The following HDAC9 variants were observed in gnomAD, a reference collection of about 807,000 sequenced individuals.
HDAC9 encodes histone deacetylase 9.
A neutral mutation model predicts 139.4 loss-of-function variants in HDAC9; 41 were observed. The ratio of observed to expected loss-of-function variants is 0.29; its 90% confidence interval spans 0.23 to 0.38. The LOEUF is 0.38. HDAC9 is among the 10% of genes least tolerant of loss of function. The pLI, the probability that HDAC9 is intolerant of heterozygous loss-of-function variation, is 1.00. For synonymous variants in HDAC9, 517 were observed against 476.2 expected (o/e 1.09, Z -1.12); for missense variants, 1,147 against 1,297.0 (o/e 0.88, Z 1.78).
At chr7:18,443,333 T>C (rs886065964) in intron 1 of HDAC9, among the ~76,000 whole-genome samples, 1 of 152,166 alleles carries the variant, frequency 6.6e-6, no homozygotes, top group South Asian at 2.1e-4. Flanking sequence ...TGTATTTGCT[T>C]TGCTAGAAAA....
At chr7:18,658,795 A>G (rs2129055446) in intron 11 of HDAC9, among the ~76,000 whole-genome samples, 1 of 152,056 alleles carries the variant, frequency 6.6e-6, no homozygotes, top group East Asian at 1.9e-4. Flanking sequence ...GTGAATTCAA[A>G]CAGAATTTTA....
At chr7:18,795,738 G>T (rs1200786671) in intron 17 of HDAC9, among the ~76,000 whole-genome samples, 2 of 152,170 alleles carry the variant, frequency 1.3e-5, no homozygotes, top group African/African-American at 2.4e-5. Flanking sequence ...CAAATGATTT[G>T]GAGCCATAGT....
chr7:18,279,871 TTTA>T (rs1466608982), intron 2 of HDAC9, among the ~76,000 whole-genome samples: 1 of 152,190 alleles, frequency 6.6e-6, no homozygotes, highest in Non-Finnish European at 1.5e-5. Flanking sequence ...GCATGAAAGC[TTTA>T]TTAAGGAATT....
intron 1 of HDAC9, among the ~76,000 whole-genome samples, chr7:18,332,384 TGTGTGTGTGA>T (rs200749127): frequency 0.025 from 3,575 of 144,288 alleles, 54 homozygotes; most frequent in Middle Eastern, 0.039. Context: ...TGTGTGTGTG[TGTGTGTGTGA>T]GAGAGAGAGA....
chr7:18,702,942 CTG>C, intron 12 of HDAC9, among the ~76,000 whole-genome samples: 1 of 152,336 alleles, frequency 6.6e-6, no homozygotes, highest in African/African-American at 2.4e-5. Flanking sequence ...GAATCCTACA[CTG>C]TTTCCATTTG....
intron 12 of HDAC9, among the ~76,000 whole-genome samples, chr7:18,678,979 A>G (rs1281862969): frequency 3.3e-5 from 5 of 152,064 alleles, no homozygotes; most frequent in African/African-American, 1.2e-4. Flanking sequence ...GGAGCATTTA[A>G]CAGGGGTGGA....
intron 21 of HDAC9, among the ~76,000 whole-genome samples, chr7:18,852,881 G>A (rs1306646617): frequency 2.0e-5 from 3 of 151,558 alleles, no homozygotes; most frequent in Non-Finnish European, 2.9e-5. Context: ...TCCAGTGTAT[G>A]TTAAGGTAGA....
chr7:18,789,286 G>GCACGCACACACACACA (rs1554356297), intron 16 of HDAC9, among the ~76,000 whole-genome samples: 1 of 148,396 alleles, frequency 6.7e-6, no homozygotes, highest in Non-Finnish European at 1.5e-5. Flanking sequence ...ACACATACAC[G>GCACGCACACACACACA]CACACACACA....
At chr7:18,395,176 T>C (rs1403488225) in intron 1 of HDAC9, 2 of 152,016 alleles carry the variant, frequency 1.3e-5, no homozygotes, top group Non-Finnish European at 2.9e-5. Context: ...GGGAGGATGA[T>C]AGTTGAGGTA....
chr7:18,732,426 GTGTA>G (rs1050369428), intron 13 of HDAC9, among the ~76,000 whole-genome samples: 6 of 149,066 alleles, frequency 4.0e-5, no homozygotes, highest in East Asian at 2.0e-4. Context: ...ATGTGCATGT[GTGTA>G]TGTGTCTATC....
At chr7:18,565,019 C>T (rs946840687) in intron 2 of HDAC9, among the ~76,000 whole-genome samples, 14 of 150,882 alleles carry the variant, frequency 9.3e-5, no homozygotes, top group African/African-American at 3.4e-4. Context: ...TATTTTGAGG[C>T]GGAGTTTCAC....
At chr7:18,438,770 T>C (rs935346410) in intron 1 of HDAC9, among the ~76,000 whole-genome samples, 15 of 152,122 alleles carry the variant, frequency 9.9e-5, no homozygotes, top group African/African-American at 2.9e-4. Flanking sequence ...GTGTTAATAA[T>C]TGTTAATTCT....
chr7:18,123,698 G>A (rs1784490346), intron 1 of HDAC9, among the ~76,000 whole-genome samples: 1 of 152,140 alleles, frequency 6.6e-6, no homozygotes, highest in Non-Finnish European at 1.5e-5. Flanking sequence ...GCAGTATGAA[G>A]GCTAGGGCAG....
intron 22 of HDAC9, among the ~76,000 whole-genome samples, chr7:18,906,375 C>T (rs1288668765): frequency 6.6e-6 from 1 of 152,082 alleles, no homozygotes; most frequent in East Asian, 1.9e-4. Context: ...AAACTCCTTA[C>T]CTCAGGTGAT....
chr7:18,392,825 A>G (rs985291104), intron 1 of HDAC9, among the ~76,000 whole-genome samples: 3 of 150,240 alleles, frequency 2.0e-5, no homozygotes, highest in African/African-American at 7.3e-5. Context: ...GCAGCTGAAT[A>G]TACTTTTCCT....
intron 1 of HDAC9, among the ~76,000 whole-genome samples, chr7:18,318,396 A>G (rs534322010): frequency 6.6e-5 from 10 of 152,332 alleles, no homozygotes; most frequent in Admixed American, 4.6e-4. Flanking sequence ...ACTGTTTTCA[A>G]TAACAAATGG....
At chr7:18,141,730 T>G (rs955827816) in intron 1 of HDAC9, among the ~76,000 whole-genome samples, 3 of 152,178 alleles carry the variant, frequency 2.0e-5, no homozygotes, top group African/African-American at 7.2e-5. Context: ...TCTGTTATTC[T>G]TAGTGACTTG....
chr7:18,559,381 G>A lies in HDAC9; in HGVS notation c.23-25900G>A, dbSNP rs779610164. On this transcript the variant is annotated intron_variant, in intron 2 of 25. Transcript: ENST00000686413. ...TGATGTTTATACTTTAGATTTCTCA[G>A]GCTTGAGTGAGAAACCAATCGATCG... Among the ~76,000 whole-genome samples the A allele has an allele frequency of 4.6e-5, 7 of 152,186 alleles. No homozygotes were observed. The East Asian group carries it at 5.8e-4, about 13-fold the overall frequency.
Position 18,683,982 on chromosome 7 carries a change from C to T in HDAC9, c.1731+17506C>T, listed in dbSNP as rs534386242. Reference sequence around the variant, plus strand: ...ATCAAAACTATCATGTTAGACCAGGCGCAGTGGCTCACACCAATAATCCCA... The same window carrying T: ...ATCAAAACTATCATGTTAGACCAGGTGCAGTGGCTCACACCAATAATCCCA... On this transcript the variant is annotated intron_variant, in intron 12 of 25. Coordinates refer to ENST00000686413, the MANE Select transcript of HDAC9 (RefSeq NM_178425.4). Among the ~76,000 whole-genome samples the T allele has an allele frequency of 1.5e-3, 222 of 152,026 alleles. 1 individual carries two copies. The highest frequency in any genetic ancestry group is 5.1e-3 in the African/African-American group (210 of 41,476).
Sources: gnomAD v4.1 joint callset for allele counts (sites outside exome capture counted in the v4.1 genomes callset) on GRCh38, gnomAD v4.1.1 for gene constraint, MANE v1.5 for transcripts, NCBI Gene and HGNC (gene_info 2026-07-23, HGNC 2026-07-21) for gene names.